Variants in GIGYF2 observed in about 807,000 individuals in gnomAD.
GIGYF2 encodes GRB10-interacting GYF protein 2.
In GIGYF2, 25 loss-of-function variants were observed where a neutral mutation model predicts 208.1. The ratio of observed to expected loss-of-function variants is 0.12; its 90% CI spans 0.09 to 0.17. GIGYF2 has a LOEUF of 0.17. Among genes scored for constraint, GIGYF2 ranks in the 10% least tolerant of loss-of-function variants. GIGYF2 has a pLI of 1.00. For synonymous variants in GIGYF2, 534 were observed against 543.8 expected (o/e 0.98, Z 0.25); for missense variants, 1,302 against 1,579.4 (o/e 0.82, Z 2.98).
intron 5 of GIGYF2, among the ~76,000 whole-genome samples, chr2:232,753,971 C>G (rs1021767796): frequency 6.6e-6 from 1 of 152,020 alleles, no homozygotes. Flanking sequence ...TGAGACCATC[C>G]TGGCCAACAC....
chr2:232,720,675 A>G (rs1252795704), intron 2 of GIGYF2, among the ~76,000 whole-genome samples: 5 of 151,638 alleles, frequency 3.3e-5, no homozygotes, highest in African/African-American at 1.2e-4. Context: ...GCTTACTGCA[A>G]CCTCTGCCTC....
At chr2:232,731,864 G>A (rs2106290667) in intron 2 of GIGYF2, among the ~76,000 whole-genome samples, 1 of 144,358 alleles carries the variant, frequency 6.9e-6, no homozygotes, top group Non-Finnish European at 1.5e-5. Flanking sequence ...TTTCTTGTTA[G>A]AATTATTTTA....
At position 232,718,686 on chromosome 2, in the gene GIGYF2, A is replaced by G. The variant is rs539485634; in HGVS notation, c.-44+15197A>G. ...AGTAGTTGAACTAATTTGCACTAATAAAGTTATTAATCTTGTGTTATCTTA... is the reference window on the plus strand; with the variant it reads ...AGTAGTTGAACTAATTTGCACTAATGAAGTTATTAATCTTGTGTTATCTTA... On this transcript the variant is annotated intron_variant, in intron 2 of 28. Transcript: ENST00000373563. Among the ~76,000 whole-genome samples the G allele has an allele frequency of 5.8e-4, 88 of 152,336 alleles. 1 individual carries two copies. The highest frequency in any genetic ancestry group is 2.1e-3 in the African/African-American group (87 of 41,572).
Position 232,836,045 on chromosome 2 carries a change from G to GA in GIGYF2, c.2766+2960dup, listed in dbSNP as rs1032070157. On this transcript the variant is annotated intron_variant, in intron 22 of 28. Transcript: ENST00000373563. ...AGAAAACAGATGCCAAATGATCTAG[G>GA]AAAAAAAACCTGCGAGTTAGCCCTG... Among the ~76,000 whole-genome samples the GA allele has an allele frequency of 4.0e-5, 6 of 150,658 alleles. No homozygotes were observed. In the Admixed American group the frequency reaches 4.0e-4, roughly 10 times the overall value.
At chr2:232,803,991 C>T (rs1017295109) in intron 14 of GIGYF2, among the ~76,000 whole-genome samples, 6 of 152,022 alleles carry the variant, frequency 3.9e-5, no homozygotes, top group African/African-American at 1.5e-4. Context: ...TAATTTTGTC[C>T]CATAGATCAC....
intron 3 of GIGYF2, among the ~76,000 whole-genome samples, chr2:232,741,331 CTG>C (rs1418408717): frequency 6.6e-6 from 1 of 152,046 alleles, no homozygotes; most frequent in East Asian, 1.9e-4. Flanking sequence ...TCTCTGGAAT[CTG>C]TTCATTTCTC....
At chr2:232,720,442 T>C (rs1696881562) in intron 2 of GIGYF2, among the ~76,000 whole-genome samples, 1 of 152,148 alleles carries the variant, frequency 6.6e-6, no homozygotes, top group Admixed American at 6.6e-5. Flanking sequence ...TTATAATCCT[T>C]TGGGTATATA....
At chr2:232,833,712 A>G (rs1468054657) in intron 22 of GIGYF2, among the ~76,000 whole-genome samples, 1 of 152,218 alleles carries the variant, frequency 6.6e-6, no homozygotes, top group Non-Finnish European at 1.5e-5. Context: ...GAGACAAGGC[A>G]GTTGCTCCCA....
rs149661773 is a variant in GIGYF2, at chr2:232,733,631, C to T, written c.-43-1524C>T. ...GATATTTTACAGTATACAGTTGTCC[C>T]TCAGTATCCATGGGGATTCATTCTA... On this transcript the variant is annotated intron_variant, in intron 2 of 28. Coordinates refer to ENST00000373563, the MANE Select transcript of GIGYF2 (RefSeq NM_001103146.3). Among the ~76,000 whole-genome samples, 904 of 152,250 alleles carry T rather than the reference C, an allele frequency of 5.9e-3. 16 individuals carry two copies. Among genetic ancestry groups the T allele is most frequent in the African/African-American group, 0.02 (851 of 41,532 alleles).
chr2:232,764,287 A>G (rs1188088141), intron 8 of GIGYF2: 1 of 152,234 alleles, frequency 6.6e-6, no homozygotes, highest in African/African-American at 2.4e-5. Flanking sequence ...TCTGGGCTTC[A>G]TGTTCATCAG....
intron 21 of GIGYF2, among the ~76,000 whole-genome samples, chr2:232,827,742 T>C (rs1325800974): frequency 6.6e-6 from 1 of 152,208 alleles, no homozygotes; most frequent in African/African-American, 2.4e-5. Flanking sequence ...TTTGCATCTT[T>C]TTCTAGTTTC....
At chr2:232,776,793 G>A in intron 8 of GIGYF2, 1 of 261,350 alleles carries the variant, frequency 3.8e-6, no homozygotes, top group Admixed American at 5.2e-5. Context: ...CCTCTAATCA[G>A]GACCGGTCTT....
At chr2:232,757,680 G>T (rs1265443643) in intron 6 of GIGYF2, among the ~76,000 whole-genome samples, 1 of 151,940 alleles carries the variant, frequency 6.6e-6, no homozygotes, top group Non-Finnish European at 1.5e-5. Context: ...GTGCTTTTCA[G>T]GGCAAGCCAG....
chr2:232,855,080 C>CT (rs201395041), intron 28 of GIGYF2, among the ~76,000 whole-genome samples: 1,762 of 108,968 alleles, frequency 0.016, 33 homozygotes, highest in Middle Eastern at 0.025. Flanking sequence ...CTTTTTCTTT[C>CT]TTTTTTTTTT....
chr2:232,769,388 G>T (rs1026843593), intron 8 of GIGYF2, among the ~76,000 whole-genome samples: 6 of 151,834 alleles, frequency 4.0e-5, no homozygotes, highest in Admixed American at 6.6e-5. Context: ...AAAATTAGCT[G>T]GGTCTGGTGG....
rs529277698 is a variant in GIGYF2 at position 232,847,532 on chromosome 2, G to A, written c.3645G>A (p.Gln1215=). The A allele has an allele frequency of 2.9e-4, 469 of 1,600,306 alleles. 6 individuals are homozygous for A. In the South Asian group the frequency reaches 4.7e-3, roughly 16 times the overall value. ...AGCAGCTGCCACAGCAGCAGCAGCAGCAGCCGCCACAGCAGCCGCCACAGC... is the reference window on the plus strand; with the variant it reads ...AGCAGCTGCCACAGCAGCAGCAGCAACAGCCGCCACAGCAGCCGCCACAGC... ...QQQQLPQQQQ[Q]QPPQQPPQQP... Residue 1215 remains glutamine (Q), a synonymous_variant, in exon 27 of 29, where the codon CAG becomes CAA. Coordinates refer to ENST00000373563, the MANE Select transcript of GIGYF2 (RefSeq NM_001103146.3).
chr2:232,702,935 A>G (rs754716404), intron 1 of GIGYF2, among the ~76,000 whole-genome samples: 3 of 152,098 alleles, frequency 2.0e-5, no homozygotes, highest in African/African-American at 7.2e-5. Context: ...AGCTGGGACT[A>G]CAGGCATGTG....
intron 2 of GIGYF2, among the ~76,000 whole-genome samples, chr2:232,714,741 G>A (rs1364600385): frequency 1.3e-5 from 2 of 150,874 alleles, no homozygotes; most frequent in African/African-American, 2.4e-5. Flanking sequence ...ATTAATATTT[G>A]CGTCTTCTAG....
intron 8 of GIGYF2, among the ~76,000 whole-genome samples, chr2:232,786,726 C>CA (rs1245514256): frequency 6.6e-6 from 1 of 152,112 alleles, no homozygotes; most frequent in East Asian, 1.9e-4. Context: ...AAACAGCAAA[C>CA]AAAACAACAT....
Sources: allele counts gnomAD v4.1 joint callset (sites outside exome capture counted in the v4.1 genomes callset), GRCh38; gene constraint gnomAD v4.1.1; transcripts MANE v1.5; gene names NCBI Gene and HGNC (gene_info 2026-07-23, HGNC 2026-07-21).